Variants in FLACC1 observed in about 807,000 individuals in gnomAD.
FLACC1 encodes flagellum-associated coiled-coil domain-containing protein 1.
In FLACC1, 66 loss-of-function variants were observed where a neutral mutation model predicts 62.8. That is an observed-to-expected ratio of 1.05 (90% CI 0.86 to 1.29). The LOEUF (loss-of-function observed/expected upper bound fraction) is 1.29. Ranked by LOEUF, FLACC1 falls within the 50% of genes most tolerant of loss-of-function variation. FLACC1 has a pLI of 0.00. For synonymous variants in FLACC1, 156 were observed against 161.0 expected (o/e 0.97, Z 0.24); for missense variants, 452 against 489.1 (o/e 0.92, Z 0.71).
chr2:201,361,040 T>A (rs551237332), upstream of FLACC1, among the ~76,000 whole-genome samples: 1 of 152,232 alleles, frequency 6.6e-6, no homozygotes, highest in East Asian at 1.9e-4. Context: ...ATCGTGCCAC[T>A]GCATTCAAGC....
chr2:201,345,806 G>C (rs963135247), intron 5 of FLACC1, among the ~76,000 whole-genome samples: 22 of 152,194 alleles, frequency 1.4e-4, no homozygotes, highest in Admixed American at 9.8e-4. Context: ...TAATGGGTTA[G>C]AGTCAGGCCA....
chr2:201,309,286 C>A lies in FLACC1; in HGVS notation c.676-36G>T, dbSNP rs1023977586. 2.0e-6 allele frequency: 3 copies of A among 1,528,598 alleles called. No homozygotes were observed. The Admixed American group carries it at 5.0e-5, about 26-fold the overall frequency. The allele number at this position is 1,528,598 out of a possible 1,614,324, so 94.7% of individuals were successfully genotyped here. ...ACAAAGGCACCATGAAGAAAAGAGTCCTAAAATGAAGGTGACCTGGAGAGG... is the reference window on the plus strand; with the variant it reads ...ACAAAGGCACCATGAAGAAAAGAGTACTAAAATGAAGGTGACCTGGAGAGG... On this transcript the variant is annotated intron_variant, in intron 9 of 14. Coordinates refer to ENST00000392257, the MANE Select transcript of FLACC1 (RefSeq NM_001127391.3).
At chr2:201,344,989 G>T (rs1950883702) in intron 5 of FLACC1, among the ~76,000 whole-genome samples, 1 of 152,196 alleles carries the variant, frequency 6.6e-6, no homozygotes, top group South Asian at 2.1e-4. Flanking sequence ...AGAAAGAAAA[G>T]GCTTGAGAAA....
intron 11 of FLACC1, among the ~76,000 whole-genome samples, chr2:201,300,381 C>T (rs543225547): frequency 3.9e-4 from 60 of 152,240 alleles, no homozygotes; most frequent in Admixed American, 1.1e-3. Context: ...GGGGGATGGG[C>T]GCCTGCTATT....
rs146230831 is a variant in FLACC1 at position 201,288,714 on chromosome 2, C to T, written c.1210G>A (p.Val404Ile). ...ACAGTGTCAGAATCATCCTTAGAAA[C>T]AGTAATAGAGGCCAATCTCCCAGAA... ...GCSGRLASIT[V>I]SKDDSDTVQD... is the part of the protein sequence containing the mutation. The change falls in exon 15 of 15, where the codon GTT (valine) becomes ATT (isoleucine). Residue 404 changes from valine (V) to isoleucine (I), a missense_variant. Physicochemically the swap from Val to Ile is conservative, Grantham distance 29 (BLOSUM62 3). Coordinates refer to ENST00000392257, the MANE Select transcript of FLACC1 (RefSeq NM_001127391.3). 2.5e-6 allele frequency: 4 copies of T among 1,613,898 alleles called. No homozygotes were observed. The highest frequency in any genetic ancestry group is 1.6e-4 in the Middle Eastern group (1 of 6,082).
At chr2:201,312,306 A>G (rs1950231506) in intron 9 of FLACC1, among the ~76,000 whole-genome samples, 1 of 152,232 alleles carries the variant, frequency 6.6e-6, no homozygotes. Flanking sequence ...TGAGAGCCAA[A>G]TCAATAACGT....
upstream of FLACC1, among the ~76,000 whole-genome samples, chr2:201,361,661 T>C (rs927183715): frequency 3.3e-5 from 5 of 152,188 alleles, no homozygotes; most frequent in African/African-American, 9.7e-5. Flanking sequence ...GTTTGAGAGA[T>C]GGTAAAAACA....
intron 14 of FLACC1, 61 bp from the exon 15 acceptor site, chr2:201,288,842 A>G: frequency 1.3e-6 from 2 of 1,578,220 alleles, no homozygotes; most frequent in South Asian, 1.1e-5. Flanking sequence ...GGTATAGGAT[A>G]TTTGGAGTGC....
intron 7 of FLACC1, among the ~76,000 whole-genome samples, chr2:201,334,550 G>A (rs530066256): frequency 1.3e-5 from 2 of 152,232 alleles, no homozygotes; most frequent in East Asian, 1.9e-4. Flanking sequence ...TTGGGAGGCC[G>A]AGGCAGGCAG....
intron 12 of FLACC1, among the ~76,000 whole-genome samples, chr2:201,294,843 T>C (rs1357839409): frequency 6.6e-6 from 1 of 152,068 alleles, no homozygotes; most frequent in African/African-American, 2.4e-5. Flanking sequence ...ACAAAATCAA[T>C]GTGCAAAAAT....
the FLACC1 span, among the ~76,000 whole-genome samples, chr2:201,362,665 T>C: frequency 6.6e-6 from 1 of 152,158 alleles, no homozygotes; most frequent in Non-Finnish European, 1.5e-5. Flanking sequence ...TGGAGCTAAC[T>C]TGGGGAAGCG....
intron 11 of FLACC1, 28 bp downstream of exon 11, chr2:201,307,491 A>G (rs1469853679): frequency 1.3e-6 from 2 of 1,575,474 alleles, no homozygotes; most frequent in Admixed American, 1.7e-5. Context: ...TACCCATTCA[A>G]TCACCAAGGT....
intron 7 of FLACC1, 42 bp downstream of exon 7, chr2:201,342,328 A>C: frequency 6.2e-7 from 1 of 1,602,460 alleles, no homozygotes; most frequent in Non-Finnish European, 8.6e-7. Flanking sequence ...CGGGACCCTT[A>C]GAGCCATCAA....
chr2:201,340,922 C>G (rs2125608166), intron 7 of FLACC1, among the ~76,000 whole-genome samples: 1 of 152,276 alleles, frequency 6.6e-6, no homozygotes, highest in South Asian at 2.1e-4. Flanking sequence ...TTTAATACAT[C>G]ATCACACTGA....
intron 1 of FLACC1, among the ~76,000 whole-genome samples, chr2:201,352,242 G>T (rs190431614): frequency 8.4e-4 from 128 of 152,272 alleles, no homozygotes; most frequent in African/African-American, 2.9e-3. Context: ...TGGAAAATTA[G>T]TTCTGCTGCT....
At chr2:201,292,694 A>T (rs917702342) in intron 12 of FLACC1, among the ~76,000 whole-genome samples, 1 of 152,202 alleles carries the variant, frequency 6.6e-6, no homozygotes, top group Non-Finnish European at 1.5e-5. Flanking sequence ...TTAAATGTAA[A>T]TGGGCTAAAT....
chr2:201,332,456 C>T (rs903895568), intron 7 of FLACC1, among the ~76,000 whole-genome samples: 1 of 152,076 alleles, frequency 6.6e-6, no homozygotes, highest in African/African-American at 2.4e-5. Context: ...CCATGTTGGC[C>T]AGGCTGGTCT....
At chr2:201,356,502 T>C (rs1951120201) in intron 1 of FLACC1, among the ~76,000 whole-genome samples, 1 of 150,910 alleles carries the variant, frequency 6.6e-6, no homozygotes, top group Non-Finnish European at 1.5e-5. Context: ...AAATCAGCCC[T>C]TGACTTCTCA....
At position 201,344,169 on chromosome 2, in the gene FLACC1, C is replaced by T. The variant is rs1264164970; in HGVS notation, c.462+1G>A. On this transcript the variant is annotated splice_donor_variant, in intron 6 of 14. Transcript: ENST00000392257. LOFTEE classifies it high-confidence loss of function. ...ATGTTAGCTAATGTAAGGTCACTCA[C>T]CAATTTCTGGGCAGACTGGTGGTCT... 4 of 1,606,466 alleles carry T rather than the reference C, an allele frequency of 2.5e-6. No homozygotes were observed. Among genetic ancestry groups the T allele is most frequent in the Non-Finnish European group, 3.4e-6 (4 of 1,174,908 alleles).
Sources: allele counts gnomAD v4.1 joint callset (sites outside exome capture counted in the v4.1 genomes callset), GRCh38; gene constraint gnomAD v4.1.1; transcripts MANE v1.5; gene names NCBI Gene and HGNC (gene_info 2026-07-23, HGNC 2026-07-21).